DOCK4: variants seen among roughly 807,000 people sequenced by gnomAD.
DOCK4 encodes dedicator of cytokinesis 4, also known as dedicator of cytokinesis protein 4.
DOCK4 carries 97 observed loss-of-function variants against 268.1 expected under a neutral mutation model. That is an observed-to-expected ratio of 0.36 (90% CI 0.31 to 0.43). The LOEUF is 0.43. Ranked by LOEUF, DOCK4 falls within the 20% of genes least tolerant of loss-of-function variation. The probability of loss-of-function intolerance (pLI) is 1.00; values close to 1 mark genes in which losing one functional copy is unlikely to be tolerated. For synonymous variants in DOCK4, 954 were observed against 887.2 expected, an observed-to-expected ratio of 1.08 and a Z score of -1.34; for missense variants, 2,145 against 2,455.7, an observed-to-expected ratio of 0.87 and a Z score of 2.67.
chr7:111,750,154 C>T (rs1796536977), intron 42 of DOCK4, among the ~76,000 whole-genome samples: 1 of 152,140 alleles, frequency 6.6e-6, no homozygotes, highest in African/African-American at 2.4e-5. Flanking sequence ...CCTAGACCAC[C>T]TCGTCTTACC....
chr7:112,045,315 C>T (rs1248275504), intron 1 of DOCK4, among the ~76,000 whole-genome samples: 1 of 152,200 alleles, frequency 6.6e-6, no homozygotes, highest in East Asian at 1.9e-4. Context: ...AGTTTGACCA[C>T]TGTAAAAAGG....
chr7:111,841,957 T>C (rs1014384923), intron 25 of DOCK4, among the ~76,000 whole-genome samples: 1 of 152,242 alleles, frequency 6.6e-6, no homozygotes, highest in Non-Finnish European at 1.5e-5. Flanking sequence ...TCTCAGGCAA[T>C]CTTTAACTAT....
chr7:111,853,571 A>T lies in DOCK4; in HGVS notation c.2474-6445T>A, dbSNP rs544493268. Reference sequence around the variant, plus strand: ...TACAGACAACAAGAACTCAGAGAGGAAAGGACTGCAGATTCAGTGGGCTAC... The same window carrying T: ...TACAGACAACAAGAACTCAGAGAGGTAAGGACTGCAGATTCAGTGGGCTAC... On this transcript the variant is annotated intron_variant, in intron 23 of 52. Transcript: ENST00000428084. Among the ~76,000 whole-genome samples, 4 of 152,334 alleles carry T rather than the reference A, an allele frequency of 2.6e-5. No homozygotes were observed. In the East Asian group the frequency reaches 5.8e-4, roughly 22 times the overall value.
At chr7:111,770,664 T>C (rs189158252) in intron 36 of DOCK4, among the ~76,000 whole-genome samples, 76 of 152,326 alleles carry the variant, frequency 5.0e-4, no homozygotes, top group Non-Finnish European at 9.0e-4. Flanking sequence ...TTTCCTATAA[T>C]GTCATAATAG....
intron 42 of DOCK4, among the ~76,000 whole-genome samples, chr7:111,750,128 G>A (rs1226583917): frequency 2.0e-5 from 3 of 152,178 alleles, no homozygotes; most frequent in Admixed American, 6.5e-5. Context: ...TCTGGGGCAG[G>A]AGATGTTCAA....
rs189319026 is a variant in DOCK4, at chr7:111,933,812, A to C, written c.1066+1728T>G. On this transcript the variant is annotated intron_variant, in intron 12 of 52. Transcript: ENST00000428084. The stretch of plus-strand genomic sequence containing the variant: ...AACCCAAGTTATCTCTCCAACTCTA[A>C]GGAGAGGGAGGAGGAAACTGACCTC... 6.1e-4 allele frequency among the ~76,000 whole-genome samples: 93 copies of C among 151,846 alleles called. No homozygotes were observed. The East Asian group carries it at 0.017, about 27-fold the overall frequency.
chr7:111,894,083 A>G (rs1414587267), intron 16 of DOCK4, among the ~76,000 whole-genome samples: 1 of 152,042 alleles, frequency 6.6e-6, no homozygotes, highest in Non-Finnish European at 1.5e-5. Flanking sequence ...TTAGCCGGGC[A>G]TGGTGGCGGG....
chr7:112,031,540 A>C (rs1803272730), intron 1 of DOCK4, among the ~76,000 whole-genome samples: 1 of 152,130 alleles, frequency 6.6e-6, no homozygotes, highest in Non-Finnish European at 1.5e-5. Context: ...CCCAATTCTT[A>C]TAACCTTCCA....
intron 1 of DOCK4, among the ~76,000 whole-genome samples, chr7:112,030,393 A>G (rs1442983679): frequency 1.3e-5 from 2 of 152,258 alleles, no homozygotes; most frequent in African/African-American, 4.8e-5. Flanking sequence ...CAATTAATGC[A>G]GCTAAATAAT....
rs187205524 is a variant in DOCK4 at position 112,161,155 on chromosome 7, C to T, written c.37+44947G>A. ...ACCGCTAGTCAGTCTTCAAATAGAC[C>T]CCATATACAAATATTTCTAGAACAC... is the stretch of plus-strand genomic sequence containing the variant. On this transcript the variant is annotated intron_variant, in intron 1 of 52. Coordinates refer to ENST00000428084, the MANE Select transcript of DOCK4 (RefSeq NM_001363540.2). Among the ~76,000 whole-genome samples the T allele has an allele frequency of 3.0e-4, 46 of 152,130 alleles. 1 individual carries two copies. Among genetic ancestry groups the T allele is most frequent in the Admixed American group, 3.0e-3 (46 of 15,274 alleles).
intron 2 of DOCK4, among the ~76,000 whole-genome samples, chr7:112,000,807 A>G (rs1400402094): frequency 6.6e-6 from 1 of 152,230 alleles, no homozygotes; most frequent in East Asian, 1.9e-4. Context: ...AAATCAGAGC[A>G]TTGGGCTTCA....
At chr7:111,888,529 G>A (rs1394383605) in intron 16 of DOCK4, among the ~76,000 whole-genome samples, 2 of 152,024 alleles carry the variant, frequency 1.3e-5, no homozygotes, top group Non-Finnish European at 2.9e-5. Context: ...ATCAGTGGGA[G>A]ATTCTGATGG....
intron 47 of DOCK4, chr7:111,739,778 G>GC (rs2133423254): frequency 2.5e-6 from 1 of 400,304 alleles, no homozygotes; most frequent in East Asian, 5.6e-5. Flanking sequence ...CCAGCCTAGG[G>GC]CCCAAAAACA....
At chr7:111,945,355 T>A (rs1256967715) in intron 9 of DOCK4, among the ~76,000 whole-genome samples, 3 of 152,164 alleles carry the variant, frequency 2.0e-5, no homozygotes, top group African/African-American at 7.2e-5. Context: ...CTGGCTAATT[T>A]TTGTATTTTT....
chr7:111,897,276 T>C (rs994746395), intron 15 of DOCK4, among the ~76,000 whole-genome samples: 2 of 152,150 alleles, frequency 1.3e-5, no homozygotes, highest in Admixed American at 1.3e-4. Flanking sequence ...ACCTGACACA[T>C]GTGATCAATC....
chr7:112,048,601 G>C (rs955516993), intron 1 of DOCK4, among the ~76,000 whole-genome samples: 1 of 149,832 alleles, frequency 6.7e-6, no homozygotes, highest in African/African-American at 2.5e-5. Flanking sequence ...AACAAAAAGA[G>C]AAAAATGCAC....
Position 112,008,401 on chromosome 7 carries a change from T to A in DOCK4, c.38-4270A>T, listed in dbSNP as rs183183534. ...TTTTGAAAAAGATGTCCTAACCAACTGCCTGTTATTACTAACAGTATCATT... is the reference window on the plus strand; with the variant it reads ...TTTTGAAAAAGATGTCCTAACCAACAGCCTGTTATTACTAACAGTATCATT... On this transcript the variant is annotated intron_variant, in intron 1 of 52. Transcript: ENST00000428084. Among the ~76,000 whole-genome samples the A allele has an allele frequency of 9.1e-4, 139 of 152,338 alleles. 1 individual carries two copies. The highest frequency in any genetic ancestry group is 1.4e-3 in the Non-Finnish European group (98 of 68,036).
chr7:111,732,298 G>GGAGA lies in DOCK4; in HGVS notation c.5420-15_5420-12dup. On this transcript the variant is annotated splice_polypyrimidine_tract_variant and intron_variant, in intron 51 of 52. Coordinates refer to ENST00000428084, the MANE Select transcript of DOCK4 (RefSeq NM_001363540.2). ...GTCTTGCTGGTGAAGCTGTCAATGGGGAGAGAGATAACATTTCAATTAAGA... is the reference window on the plus strand; with the variant it reads ...GTCTTGCTGGTGAAGCTGTCAATGGGGAGAGAGAGAGATAACATTTCAATTAAGA... 1 of 1,613,848 alleles carries GGAGA rather than the reference G, an allele frequency of 6.2e-7. No individual in the cohort carries two copies. The highest frequency in any genetic ancestry group is 8.5e-7 in the Non-Finnish European group (1 of 1,179,794).
intron 8 of DOCK4, among the ~76,000 whole-genome samples, chr7:111,959,337 C>G (rs148851304): frequency 2.7e-3 from 411 of 152,298 alleles, no homozygotes; most frequent in African/African-American, 9.6e-3. Context: ...CCCTACATTA[C>G]TGCTCTGCTT....
Sources: gnomAD v4.1 joint callset for allele counts (sites outside exome capture counted in the v4.1 genomes callset) on GRCh38, gnomAD v4.1.1 for gene constraint, MANE v1.5 for transcripts, NCBI Gene and HGNC (gene_info 2026-07-23, HGNC 2026-07-21) for gene names.